Variants in FBXW8 observed in about 807,000 individuals in gnomAD.
The protein encoded by FBXW8 is F-box and WD repeat domain containing 8.
FBXW8 carries 57 observed loss-of-function variants against 65.3 expected under a neutral mutation model. The ratio of observed to expected loss-of-function variants is 0.87; its 90% CI spans 0.71 to 1.09. The LOEUF (loss-of-function observed/expected upper bound fraction) is 1.09. FBXW8 is among the 50% of genes least tolerant of loss of function. The probability of loss-of-function intolerance (pLI) is 0.00; values close to 1 mark genes in which losing one functional copy is unlikely to be tolerated. For synonymous variants in FBXW8, 308 were observed against 330.2 expected, an observed-to-expected ratio of 0.93 and a Z score of 0.73; for missense variants, 777 against 814.8, an observed-to-expected ratio of 0.95 and a Z score of 0.57.
At chr12:116,913,180 C>CA (rs11400525) in intron 1 of FBXW8, among the ~76,000 whole-genome samples, 10,831 of 152,270 alleles carry the variant, frequency 0.071, 1,004 homozygotes, top group African/African-American at 0.22. Flanking sequence ...TATGATCAGG[C>CA]AAGTTTAAGA....
chr12:116,927,285 A>T (rs959775153), intron 1 of FBXW8, among the ~76,000 whole-genome samples: 1 of 152,140 alleles, frequency 6.6e-6, no homozygotes, highest in African/African-American at 2.4e-5. Context: ...CTCATCTCTA[A>T]TTGCTTATCC....
At chr12:116,958,198 G>A (rs1308239829) in intron 4 of FBXW8, among the ~76,000 whole-genome samples, 1 of 152,164 alleles carries the variant, frequency 6.6e-6, no homozygotes, top group East Asian at 1.9e-4. Context: ...TTCCACAGAA[G>A]GATTCTGCAC....
At chr12:116,953,268 C>G (rs539876312) in intron 4 of FBXW8, among the ~76,000 whole-genome samples, 1 of 152,216 alleles carries the variant, frequency 6.6e-6, no homozygotes, top group South Asian at 2.1e-4. Context: ...AGAGATGATG[C>G]GTTCCAAGAC....
intron 8 of FBXW8, among the ~76,000 whole-genome samples, chr12:117,019,369 C>T (rs1340463084): frequency 6.6e-6 from 1 of 152,198 alleles, no homozygotes; most frequent in East Asian, 1.9e-4. Context: ...ATGTTGGCCA[C>T]ATAGAATTTT....
chr12:117,017,879 A>AC lies in FBXW8; in HGVS notation c.1368-6262dup, dbSNP rs373815324. ...AATAGGAAGCACGCCCTGAGTTGTG[A>AC]CCCCCCAATTACAGAGTCTCAGTGC... On this transcript the variant is annotated intron_variant, in intron 8 of 10. Transcript: ENST00000652555. Among the ~76,000 whole-genome samples, 752 of 152,060 alleles carry AC rather than the reference A, an allele frequency of 4.9e-3. 3 individuals are homozygous for AC. The highest frequency in any genetic ancestry group is 0.012 in the African/African-American group (481 of 41,452).
intron 9 of FBXW8, among the ~76,000 whole-genome samples, chr12:117,024,750 G>A (rs1352554022): frequency 2.0e-5 from 3 of 151,950 alleles, no homozygotes; most frequent in African/African-American, 4.8e-5. Context: ...GGCAGGGCTG[G>A]CCCAGCTGCT....
At chr12:116,962,703 C>CT (rs1884061163) in intron 4 of FBXW8, among the ~76,000 whole-genome samples, 1 of 152,238 alleles carries the variant, frequency 6.6e-6, no homozygotes, top group Non-Finnish European at 1.5e-5. Context: ...TCCTTCTCAT[C>CT]TTTCCTGAAT....
chr12:116,934,378 A>G (rs1882010295), intron 2 of FBXW8, among the ~76,000 whole-genome samples: 2 of 152,032 alleles, frequency 1.3e-5, no homozygotes, highest in Admixed American at 6.6e-5. Context: ...AAGCAAAGTT[A>G]CTTGTTGGAC....
At chr12:116,913,742 G>A (rs879848590) in intron 1 of FBXW8, among the ~76,000 whole-genome samples, 2 of 152,114 alleles carry the variant, frequency 1.3e-5, no homozygotes, top group Admixed American at 6.5e-5. Context: ...GTGGACCCAC[G>A]CGGTTCAAAC....
chr12:116,951,405 A>G (rs926187541), intron 4 of FBXW8: 1 of 152,150 alleles, frequency 6.6e-6, no homozygotes. Flanking sequence ...CTCATTCCCA[A>G]TCAATGTTGA....
At chr12:116,953,339 G>A (rs1233778201) in intron 4 of FBXW8, among the ~76,000 whole-genome samples, 1 of 152,210 alleles carries the variant, frequency 6.6e-6, no homozygotes, top group Non-Finnish European at 1.5e-5. Context: ...GAGTGGAGCC[G>A]CTCCGCTGTG....
chr12:117,030,817 A>G lies in FBXW8; in HGVS notation c.*2645A>G, dbSNP rs1199863355. 1.3e-5 allele frequency: 2 copies of G among 152,228 alleles called. No individual in the cohort carries two copies. Among genetic ancestry groups the G allele is most frequent in the African/African-American group, 4.8e-5 (2 of 41,444 alleles). The allele number at this position is 152,228 out of a possible 1,614,324, so 9.4% of individuals were successfully genotyped here. A position where few individuals can be genotyped will look rare whatever the true frequency, so the allele number is the denominator to read the frequency against. On this transcript the variant is annotated 3_prime_UTR_variant, in exon 11 of 11. Coordinates refer to ENST00000652555, the MANE Select transcript of FBXW8 (RefSeq NM_153348.3). ...AGTGTTTTCTACTGCAAACCTCCAC[A>G]TCCTGGAATCAATCACACTGACAGG...
intron 8 of FBXW8, among the ~76,000 whole-genome samples, chr12:117,015,444 C>A (rs1953929532): frequency 1.3e-5 from 2 of 152,144 alleles, no homozygotes. Context: ...CAGTAGTTGG[C>A]AGTCAAGGGC....
intron 5 of FBXW8, among the ~76,000 whole-genome samples, chr12:116,969,117 A>G (rs992812877): frequency 2.0e-5 from 3 of 152,114 alleles, no homozygotes; most frequent in Non-Finnish European, 4.4e-5. Flanking sequence ...CAAGCTTGTC[A>G]GTCTTGTCCT....
At chr12:116,982,623 AT>A (rs11288865) in intron 5 of FBXW8, among the ~76,000 whole-genome samples, 92,941 of 143,442 alleles carry the variant, frequency 0.65, 33,577 homozygotes, top group Non-Finnish European at 0.8. Flanking sequence ...GGAGCCCTGG[AT>A]TTTTTTTTTT....
At chr12:117,017,157 T>G (rs1360323808) in intron 8 of FBXW8, among the ~76,000 whole-genome samples, 1 of 152,274 alleles carries the variant, frequency 6.6e-6, no homozygotes, top group Non-Finnish European at 1.5e-5. Context: ...ATGACTTAGT[T>G]AATAACTAAA....
At chr12:116,962,486 G>T (rs989488492) in intron 4 of FBXW8, among the ~76,000 whole-genome samples, 2 of 152,138 alleles carry the variant, frequency 1.3e-5, no homozygotes, top group Non-Finnish European at 2.9e-5. Context: ...TGTGTCCCCT[G>T]GGGGGGCACC....
chr12:116,928,412 C>G (rs1881502335), intron 2 of FBXW8, among the ~76,000 whole-genome samples: 2 of 152,164 alleles, frequency 1.3e-5, no homozygotes, highest in Non-Finnish European at 2.9e-5. Flanking sequence ...GGTGCTAAGC[C>G]TTTATTGAGC....
chr12:116,986,582 C>G (rs370891359), intron 6 of FBXW8: 2 of 151,106 alleles, frequency 1.3e-5, no homozygotes, highest in Admixed American at 1.3e-4. Flanking sequence ...GAGCCGAGAT[C>G]GCCACTGCAG....
Sources: allele counts gnomAD v4.1 joint callset (sites outside exome capture counted in the v4.1 genomes callset), GRCh38; gene constraint gnomAD v4.1.1; transcripts MANE v1.5; gene names NCBI Gene and HGNC (gene_info 2026-07-23, HGNC 2026-07-21).